AVPI1: variants seen among roughly 807,000 people sequenced by gnomAD.
The protein encoded by AVPI1 is arginine vasopressin-induced protein 1.
A neutral mutation model predicts 11.9 loss-of-function variants in AVPI1; 9 were observed. The ratio of observed to expected loss-of-function variants is 0.76; its 90% CI spans 0.46 to 1.32. The LOEUF (loss-of-function observed/expected upper bound fraction) is 1.32. Among genes scored for constraint, AVPI1 ranks in the 40% most tolerant of loss-of-function variants. The pLI, the probability that AVPI1 is intolerant of heterozygous loss-of-function variation, is 0.00. For missense variants in AVPI1, 207 were observed against 195.8 expected (o/e 1.06, Z -0.34); for synonymous variants, 68 against 78.1 (o/e 0.87, Z 0.68).
chr10:97,678,952 T>C, intron 2 of AVPI1, among the ~76,000 whole-genome samples: 1 of 39,706 alleles, frequency 2.5e-5, no homozygotes, highest in Non-Finnish European at 5.4e-5. Context: ...TGTGTGTGTG[T>C]GTGTGTGTGT....
At chr10:97,681,226 C>G (rs1420226972) in intron 1 of AVPI1, among the ~76,000 whole-genome samples, 1 of 152,170 alleles carries the variant, frequency 6.6e-6, no homozygotes, top group Non-Finnish European at 1.5e-5. Context: ...ATATCAGTTA[C>G]CCAATAAGAG....
intron 2 of AVPI1, among the ~76,000 whole-genome samples, chr10:97,678,678 T>C (rs1297032362): frequency 5.5e-5 from 6 of 108,994 alleles, no homozygotes; most frequent in Admixed American, 4.9e-4. Context: ...AGATTTTAAT[T>C]AGGCTTAAAA....
intron 1 of AVPI1, among the ~76,000 whole-genome samples, chr10:97,685,649 T>C (rs1172353736): frequency 3.9e-5 from 6 of 152,198 alleles, no homozygotes; most frequent in Non-Finnish European, 7.3e-5. Context: ...TGCTATCCTA[T>C]ACAGACATGC....
intron 2 of AVPI1, 32 bp from the exon 3 acceptor site, chr10:97,678,057 T>C: frequency 6.3e-7 from 1 of 1,599,588 alleles, no homozygotes; most frequent in Non-Finnish European, 8.5e-7. Flanking sequence ...TTAGCCAACA[T>C]CAATAGGAAG....
chr10:97,681,617 G>A (rs2041704332), intron 1 of AVPI1, among the ~76,000 whole-genome samples: 1 of 151,890 alleles, frequency 6.6e-6, no homozygotes, highest in Non-Finnish European at 1.5e-5. Flanking sequence ...GGTGGCTCAC[G>A]CCTGTAATCC....
intron 1 of AVPI1, among the ~76,000 whole-genome samples, 195 bp from the exon 2 acceptor site, chr10:97,680,110 T>C (rs2041696672): frequency 6.6e-6 from 1 of 152,200 alleles, no homozygotes; most frequent in Admixed American, 6.5e-5. Context: ...AAGCAACCCA[T>C]GAGGTAAGAA....
At chr10:97,681,372 C>A (rs2041702431) in intron 1 of AVPI1, among the ~76,000 whole-genome samples, 1 of 151,478 alleles carries the variant, frequency 6.6e-6, no homozygotes, top group South Asian at 2.1e-4. Flanking sequence ...CACCTGAGGT[C>A]AGGAGTTCAA....
intron 1 of AVPI1, among the ~76,000 whole-genome samples, chr10:97,681,556 T>C (rs556471768): frequency 2.7e-5 from 4 of 150,258 alleles, no homozygotes; most frequent in Admixed American, 2.7e-4. Context: ...CACTCCAGCC[T>C]GGGCAACAAG....
In AVPI1 at chr10:97,678,910, T is replaced by TTTTCAGAGACAG. The variant is rs1229669394; in HGVS notation, c.287+708_287+709insCTGTCTCTGAAA. ...GTGTGTGTGTGTGTGTGTGTGTGTG[T>TTTTCAGAGACAG]GTGTGTGTGTGTGTGTGTGTGTGTG... is the stretch of plus-strand genomic sequence containing the variant. On this transcript the variant is annotated intron_variant, in intron 2 of 2. Transcript: ENST00000370626. Among the ~76,000 whole-genome samples the TTTTCAGAGACAG allele has an allele frequency of 8.9e-4, 24 of 27,102 alleles. 1 individual carries two copies. Among genetic ancestry groups the TTTTCAGAGACAG allele is most frequent in the East Asian group, 3.1e-3 (4 of 1,288 alleles). 17.8% of individuals were successfully genotyped at this position (27,102 alleles called of 152,430 possible). A position where few individuals can be genotyped will look rare whatever the true frequency, so the allele number is the denominator to read the frequency against.
intron 2 of AVPI1, among the ~76,000 whole-genome samples, chr10:97,678,305 C>T (rs1490409448): frequency 6.6e-6 from 1 of 152,236 alleles, no homozygotes; most frequent in Non-Finnish European, 1.5e-5. Flanking sequence ...TGCTATTAAA[C>T]TGGTTTGATA....
At position 97,677,657 on chromosome 10, in the gene AVPI1, C is replaced by A. The variant is rs968682712; in HGVS notation, c.*212G>T. The A allele has an allele frequency of 1.6e-5, 9 of 559,478 alleles. No individual in the cohort carries two copies. The Admixed American group carries it at 1.6e-4, about 10-fold the overall frequency. 34.7% of individuals were successfully genotyped at this position (559,478 alleles called of 1,614,324 possible). On this transcript the variant is annotated 3_prime_UTR_variant, in exon 3 of 3. Coordinates refer to ENST00000370626, the MANE Select transcript of AVPI1 (RefSeq NM_021732.3). ...GGAAGGACTGTGGCAGGAACAGTCA[C>A]TGTCTCTCCTCATTTTGGTGAGGAA...
intron 1 of AVPI1, among the ~76,000 whole-genome samples, chr10:97,681,472 C>T (rs1282227316): frequency 1.3e-5 from 2 of 151,722 alleles, no homozygotes; most frequent in African/African-American, 4.8e-5. Flanking sequence ...ATCCCAGCTA[C>T]TCGGGAGGCT....
rs1192345025 is a variant in AVPI1 at position 97,678,334 on chromosome 10, A to G, written c.288-309T>C. ...TTTGATAAGCAGTGACTACTAATTA[A>G]CTGGAGTTAAATACAAGCTATGACA... On this transcript the variant is annotated intron_variant, in intron 2 of 2. Coordinates refer to ENST00000370626, the MANE Select transcript of AVPI1 (RefSeq NM_021732.3). 2.0e-5 allele frequency among the ~76,000 whole-genome samples: 3 copies of G among 152,250 alleles called. No individual in the cohort carries two copies. The East Asian group carries it at 5.8e-4, about 29-fold the overall frequency.
chr10:97,684,903 T>G (rs1239052113), intron 1 of AVPI1, among the ~76,000 whole-genome samples: 1 of 152,182 alleles, frequency 6.6e-6, no homozygotes, highest in Non-Finnish European at 1.5e-5. Flanking sequence ...ATGGTTAAGT[T>G]TTGGGAAAAC....
chr10:97,679,534 G>A, intron 2 of AVPI1, 85 bp downstream of exon 2: 3 of 1,454,616 alleles, frequency 2.1e-6, no homozygotes, highest in Non-Finnish European at 2.7e-6. Flanking sequence ...GTGAGGCCAA[G>A]TAACTAGCTC....
chr10:97,680,281 C>T (rs1353667098), intron 1 of AVPI1, among the ~76,000 whole-genome samples: 1 of 152,168 alleles, frequency 6.6e-6, no homozygotes, highest in Non-Finnish European at 1.5e-5. Flanking sequence ...AGTAGCAGCT[C>T]AACTGTGTTG....
chr10:97,681,740 C>T (rs1183311682), intron 1 of AVPI1, among the ~76,000 whole-genome samples: 4 of 141,034 alleles, frequency 2.8e-5, no homozygotes, highest in East Asian at 4.2e-4. Context: ...TAGCCGGGCG[C>T]GGTGGCGGGC....
intron 1 of AVPI1, among the ~76,000 whole-genome samples, chr10:97,686,518 T>C (rs899606189): frequency 6.6e-6 from 1 of 152,290 alleles, no homozygotes; most frequent in Non-Finnish European, 1.5e-5. Context: ...TGGCAGGTGA[T>C]GGAAGCTGGG....
intron 1 of AVPI1, among the ~76,000 whole-genome samples, chr10:97,681,838 A>G (rs529855645): frequency 1.3e-5 from 2 of 149,216 alleles, no homozygotes; most frequent in African/African-American, 4.9e-5. Flanking sequence ...AGATTGCGCC[A>G]CTGCAGTCCG....
Sources: allele counts gnomAD v4.1 joint callset (sites outside exome capture counted in the v4.1 genomes callset), GRCh38; gene constraint gnomAD v4.1.1; transcripts MANE v1.5; gene names NCBI Gene and HGNC (gene_info 2026-07-23, HGNC 2026-07-21).